The following SYS1 variants were observed in gnomAD, a reference collection of about 807,000 sequenced individuals.
SYS1 encodes the protein SYS1 golgi trafficking protein, also known as protein SYS1 homolog.
SYS1 carries 8 observed loss-of-function variants against 17.8 expected under a neutral mutation model. The observed-to-expected ratio is 0.45, with a 90% CI of 0.26 to 0.81. The LOEUF is 0.81. Ranked by LOEUF, SYS1 falls within the 40% of genes least tolerant of loss-of-function variation. SYS1 has a pLI of 0.16. For missense variants in SYS1, 161 were observed against 203.9 expected (o/e 0.79, Z 1.28); for synonymous variants, 95 against 90.9 (o/e 1.05, Z -0.26).
intron 2 of SYS1, 32 bp downstream of exon 2, chr20:45,363,725 T>C: frequency 6.5e-7 from 1 of 1,543,622 alleles, no homozygotes. Flanking sequence ...GGGTGGGGTC[T>C]CGGCCTCCCC....
rs1454886913 is a variant in SYS1 at position 45,363,561 on chromosome 20, G to C, written c.30G>C (p.Trp10Cys). 1.9e-6 allele frequency: 3 copies of C among 1,585,406 alleles called. No homozygotes were observed. The highest frequency in any genetic ancestry group is 2.6e-6 in the Non-Finnish European group (3 of 1,166,882). The change falls in exon 2 of 4, where the codon TGG becomes TGC. Residue 10 changes from tryptophan (W) to cysteine (C), a missense_variant. Physicochemically the swap from Trp to Cys is radical, Grantham distance 215. Coordinates refer to ENST00000243918, the MANE Select transcript of SYS1 (RefSeq NM_033542.4). ...CGGGTCAGTTCCGCAGCTACGTGTGGGACCCGCTGCTGATCCTGTCGCAGA... is the reference window on the plus strand; with the variant it reads ...CGGGTCAGTTCCGCAGCTACGTGTGCGACCCGCTGCTGATCCTGTCGCAGA... MAGQFRSYVWDPLLILSQIV... is the reference protein window; with the variant it reads MAGQFRSYVCDPLLILSQIV...
chr20:45,366,798 C>A (rs1988430306), intron 3 of SYS1, 77 bp from the exon 4 acceptor site: 1 of 1,224,224 alleles, frequency 8.2e-7, no homozygotes, highest in Non-Finnish European at 1.2e-6. Context: ...TGCTGCCGTC[C>A]TAATTGTCCC....
Position 45,366,591 on chromosome 20 carries a change from G to GC in SYS1, c.231-278dup, listed in dbSNP as rs74623179. On this transcript the variant is annotated intron_variant, in intron 3 of 3. Transcript: ENST00000243918. ...ATTTGCCTAGATGCAAGTAGCTACTGCCCCCCTTTAGCTAGAACATGTATG... is the reference window on the plus strand; with the variant it reads ...ATTTGCCTAGATGCAAGTAGCTACTGCCCCCCCTTTAGCTAGAACATGTATG... Among the ~76,000 whole-genome samples the GC allele has an allele frequency of 4.0e-3, 611 of 152,186 alleles. 12 individuals are homozygous for GC. In the East Asian group the frequency reaches 0.051, roughly 13 times the overall value.
downstream of SYS1, among the ~76,000 whole-genome samples, chr20:45,370,505 C>T: frequency 6.6e-6 from 1 of 152,114 alleles, no homozygotes; most frequent in Non-Finnish European, 1.5e-5. Context: ...TCAGAGGGTA[C>T]TTCTAACCCC....
chr20:45,362,594 G>A (rs188966270), upstream of SYS1, among the ~76,000 whole-genome samples: 1 of 152,170 alleles, frequency 6.6e-6, no homozygotes, highest in Non-Finnish European at 1.5e-5. Flanking sequence ...TCGAAACACC[G>A]ACCTCAGGTA....
chr20:45,373,546 T>C, downstream of SYS1: 1 of 315,494 alleles, frequency 3.2e-6, no homozygotes, highest in Non-Finnish European at 6.1e-6. Flanking sequence ...CCAGGAGCCC[T>C]TGCTCCTGCC....
At position 45,369,033 on chromosome 20, in the gene SYS1, T is replaced by C. The variant is rs139911843; in HGVS notation, c.*1918T>C. 3.9e-3 allele frequency: 915 copies of C among 231,818 alleles called. 14 individuals carry two copies. The highest frequency in any genetic ancestry group is 0.035 in the East Asian group (193 of 5,584). The allele number at this position is 231,818 out of a possible 1,614,324, so 14.4% of individuals were successfully genotyped here. A position where few individuals can be genotyped will look rare whatever the true frequency, so the allele number is the denominator to read the frequency against. ...CGTGATCCAAACTTTTTTTCAGTAATATGGAGACTGAGCTGCATGGTAGTT... is the reference window on the plus strand; with the variant it reads ...CGTGATCCAAACTTTTTTTCAGTAACATGGAGACTGAGCTGCATGGTAGTT... On this transcript the variant is annotated 3_prime_UTR_variant, in exon 4 of 4. Transcript: ENST00000243918.
chr20:45,364,760 C>A (rs561632000), intron 2 of SYS1, among the ~76,000 whole-genome samples: 4 of 151,964 alleles, frequency 2.6e-5, no homozygotes, highest in African/African-American at 9.7e-5. Context: ...CGTGAGCCAC[C>A]GCGCCCGGCC....
rs1988308835 is a variant in SYS1 at position 45,363,787 on chromosome 20, CTTCT to C, written c.162+101_162+104del. ...TGTGCTGTAGACGTGGCTGGGTCAC[CTTCT>C]TTCTTTGTAGCCCTGGGAAAGGGAT... On this transcript the variant is annotated intron_variant, in intron 2 of 3. Transcript: ENST00000243918. 4 of 1,340,392 alleles carry C rather than the reference CTTCT, an allele frequency of 3.0e-6. No individual in the cohort carries two copies. The Admixed American group carries it at 9.9e-5, about 33-fold the overall frequency. 83.0% of individuals were successfully genotyped at this position (1,340,392 alleles called of 1,614,324 possible).
intron 3 of SYS1, 67 bp from the exon 4 acceptor site, chr20:45,366,808 C>T: frequency 7.3e-7 from 1 of 1,362,126 alleles, no homozygotes; most frequent in East Asian, 2.3e-5. Flanking sequence ...CTAATTGTCC[C>T]TACCCTCCCA....
In SYS1 at chr20:45,365,637, C is replaced by G. The variant is rs754380083; in HGVS notation, c.181C>G (p.Pro61Ala). ...FDAEILGFSTPPGRLSMMSFI... is the reference protein window; with the variant it reads ...FDAEILGFSTAPGRLSMMSFI... Reference sequence around the variant, plus strand: ...CCCTCAGATCCTGGGCTTTTCCACCCCTCCAGGCCGGCTCTCCATGATGTC... The same window carrying G: ...CCCTCAGATCCTGGGCTTTTCCACCGCTCCAGGCCGGCTCTCCATGATGTC... Residue 61 changes from proline (P) to alanine (A), a missense_variant, in exon 3 of 4, where the codon CCT becomes GCT. Transcript: ENST00000243918. 5 of 1,614,164 alleles carry G rather than the reference C, an allele frequency of 3.1e-6. No homozygotes were observed. The highest frequency in any genetic ancestry group is 4.2e-6 in the Non-Finnish European group (5 of 1,180,032).
At position 45,365,634 on chromosome 20, in the gene SYS1, A is replaced by G; in HGVS notation, c.178A>G (p.Thr60Ala). The G allele has an allele frequency of 1.9e-6, 3 of 1,613,770 alleles. No individual in the cohort carries two copies. The highest frequency in any genetic ancestry group is 1.7e-6 in the Non-Finnish European group (2 of 1,179,946). ...TCCCCCTCAGATCCTGGGCTTTTCC[A>G]CCCCTCCAGGCCGGCTCTCCATGAT... is the stretch of plus-strand genomic sequence containing the variant. ...MFDAEILGFSTPPGRLSMMSF... is the reference protein window; with the variant it reads ...MFDAEILGFSAPPGRLSMMSF... Residue 60 changes from threonine to alanine, a missense_variant, in exon 3 of 4, where the codon ACC becomes GCC. By Grantham distance (58) the Thr-to-Ala change is moderately conservative (BLOSUM62 0). Coordinates refer to ENST00000243918, the MANE Select transcript of SYS1 (RefSeq NM_033542.4).
chr20:45,372,542 A>T (rs756547517), downstream of SYS1: 4 of 152,274 alleles, frequency 2.6e-5, no homozygotes, highest in Admixed American at 6.5e-5. Context: ...CTCAGGACAG[A>T]AGTTCACGCA....
At chr20:45,373,976 G>T, downstream of SYS1, 1 of 1,614,010 alleles carries the variant, frequency 6.2e-7, no homozygotes, top group Non-Finnish European at 8.5e-7. Flanking sequence ...TCCACCCTCT[G>T]CTCGCACCTC....
Position 45,367,887 on chromosome 20 carries a change from C to T in SYS1, c.*772C>T. On this transcript the variant is annotated 3_prime_UTR_variant, in exon 4 of 4. Coordinates refer to ENST00000243918, the MANE Select transcript of SYS1 (RefSeq NM_033542.4). ...TGTCTTCTAGGAATGACCAGGCACC[C>T]AGCTCCCACTGGACTCCAATTTTTT... 4 of 985,822 alleles carry T rather than the reference C, an allele frequency of 4.1e-6. 1 individual carries two copies. The South Asian group carries it at 1.9e-4, about 46-fold the overall frequency. The allele number at this position is 985,822 out of a possible 1,614,324, so 61.1% of individuals were successfully genotyped here.
intron 2 of SYS1, 120 bp downstream of exon 2, chr20:45,363,813 G>A: frequency 1.8e-6 from 2 of 1,115,098 alleles, no homozygotes; most frequent in Non-Finnish European, 2.5e-6. Context: ...CCTGGGAAAG[G>A]GATTTCACCT....
chr20:45,375,301 T>G (rs1600756593), exon 4 of SYS1: 3 of 1,613,878 alleles, frequency 1.9e-6, no homozygotes, highest in Non-Finnish European at 2.5e-6. Context: ...GACTCCAGGG[T>G]TCAAGCTATC....
rs1988468752 is a variant in SYS1, at chr20:45,367,860, C to G, written c.*745C>G. ...AAGTCTAACCATCATAAAGACACTGCCTGTCTTCTAGGAATGACCAGGCAC... is the reference window on the plus strand; with the variant it reads ...AAGTCTAACCATCATAAAGACACTGGCTGTCTTCTAGGAATGACCAGGCAC... On this transcript the variant is annotated 3_prime_UTR_variant, in exon 4 of 4. Coordinates refer to ENST00000243918, the MANE Select transcript of SYS1 (RefSeq NM_033542.4). 2.0e-6 allele frequency: 2 copies of G among 985,732 alleles called. No homozygotes were observed. The highest frequency in any genetic ancestry group is 3.5e-5 in the African/African-American group (2 of 57,234). 61.1% of individuals were successfully genotyped at this position (985,732 alleles called of 1,614,324 possible).
At chr20:45,374,290 T>A (rs1194239798) in intron 3 of SYS1, 1 of 697,720 alleles carries the variant, frequency 1.4e-6, no homozygotes, top group Non-Finnish European at 2.6e-6. Flanking sequence ...TCTTTTTTTT[T>A]AAGACAGGGT....
Sources: gnomAD v4.1 joint callset for allele counts (sites outside exome capture counted in the v4.1 genomes callset) on GRCh38, gnomAD v4.1.1 for gene constraint, MANE v1.5 for transcripts, NCBI Gene and HGNC (gene_info 2026-07-23, HGNC 2026-07-21) for gene names.